Variants in PPFIBP1 observed in about 807,000 individuals in gnomAD.
PPFIBP1 encodes liprin-beta-1.
A neutral mutation model predicts 137.8 loss-of-function variants in PPFIBP1; 112 were observed. That is an observed-to-expected ratio of 0.81 (90% confidence interval 0.70 to 0.95). The LOEUF (loss-of-function observed/expected upper bound fraction) is 0.95, where lower values mean the gene tolerates loss of function less well. Among genes scored for constraint, PPFIBP1 ranks in the 40% least tolerant of loss-of-function variants. PPFIBP1 has a pLI of 0.00. For missense variants in PPFIBP1, 1,083 were observed against 1,196.6 expected (o/e 0.91, Z 1.40); for synonymous variants, 378 against 417.3 (o/e 0.91, Z 1.15).
Position 27,684,098 on chromosome 12 carries a change from A to G in PPFIBP1, c.2247+1395A>G, listed in dbSNP as rs769494712. Among the ~76,000 whole-genome samples the G allele has an allele frequency of 3.3e-4, 45 of 137,058 alleles. 1 individual carries two copies. The highest frequency in any genetic ancestry group is 6.3e-4 in the Non-Finnish European group (40 of 63,420). The allele number at this position is 137,058 out of a possible 152,430, so 89.9% of individuals were successfully genotyped here. On this transcript the variant is annotated intron_variant, in intron 24 of 29. Transcript: ENST00000228425. Reference sequence around the variant, plus strand: ...CACCGAGCCTGGCCTTGTTCTACTTAAAATTCTTTTATTTATTTATTTATT... The same window carrying G: ...CACCGAGCCTGGCCTTGTTCTACTTGAAATTCTTTTATTTATTTATTTATT...
chr12:27,532,197 A>G (rs570636780), intron 1 of PPFIBP1, among the ~76,000 whole-genome samples: 3 of 152,386 alleles, frequency 2.0e-5, no homozygotes, highest in East Asian at 3.9e-4. Context: ...CAAACAAAAC[A>G]TGATCTTTAC....
chr12:27,595,680 C>T (rs1025572770), intron 2 of PPFIBP1, among the ~76,000 whole-genome samples: 1 of 151,942 alleles, frequency 6.6e-6, no homozygotes. Flanking sequence ...CATGGAGAAA[C>T]CCCATCTCTA....
At chr12:27,595,710 C>A (rs1366356491) in intron 2 of PPFIBP1, among the ~76,000 whole-genome samples, 1 of 151,616 alleles carries the variant, frequency 6.6e-6, no homozygotes, top group Non-Finnish European at 1.5e-5. Context: ...CAAAATTAGC[C>A]GGGTGTGGTG....
intron 1 of PPFIBP1, among the ~76,000 whole-genome samples, chr12:27,528,907 G>T (rs1472063359): frequency 2.0e-5 from 3 of 152,202 alleles, no homozygotes; most frequent in Non-Finnish European, 4.4e-5. Context: ...GTCACAGTTT[G>T]TGAGTGCTCT....
intron 1 of PPFIBP1, among the ~76,000 whole-genome samples, chr12:27,555,192 A>G (rs533785111): frequency 6.6e-6 from 1 of 152,328 alleles, no homozygotes; most frequent in Non-Finnish European, 1.5e-5. Flanking sequence ...CCCTTCGACA[A>G]TAAGGTTCTA....
chr12:27,643,535 A>G (rs1406459748), intron 4 of PPFIBP1, among the ~76,000 whole-genome samples: 2 of 130,102 alleles, frequency 1.5e-5, no homozygotes, highest in Non-Finnish European at 3.2e-5. Context: ...GACCTTAAGG[A>G]ATGGGGAAAG....
rs578209956 is a variant in PPFIBP1, at chr12:27,540,311, C to T, written c.-124+15946C>T. 2.0e-5 allele frequency among the ~76,000 whole-genome samples: 3 copies of T among 149,682 alleles called. No individual in the cohort carries two copies. The South Asian group carries it at 6.3e-4, about 32-fold the overall frequency. ...GCCTTGAAGGGTTGTAAAGATGAAA[C>T]AAGATAATGAATGCAAAGAGTTTGG... On this transcript the variant is annotated intron_variant, in intron 1 of 29. Transcript: ENST00000228425.
At chr12:27,614,145 A>AGAGGGGAGAATCACTGGAGCCCAC (rs1311250259) in intron 2 of PPFIBP1, among the ~76,000 whole-genome samples, 25 of 152,222 alleles carry the variant, frequency 1.6e-4, no homozygotes, top group Admixed American at 1.0e-3. Context: ...TTGGAGGCTG[A>AGAGGGGAGAATCACTGGAGCCCAC]GACGGGAGAA....
intron 7 of PPFIBP1, among the ~76,000 whole-genome samples, chr12:27,650,848 A>G (rs2058834132): frequency 6.6e-6 from 1 of 152,210 alleles, no homozygotes; most frequent in Non-Finnish European, 1.5e-5. Flanking sequence ...GACAGAGAGC[A>G]TATCCATTTG....
intron 3 of PPFIBP1, among the ~76,000 whole-genome samples, chr12:27,634,551 A>G (rs935674274): frequency 2.0e-5 from 3 of 152,108 alleles, no homozygotes; most frequent in African/African-American, 7.2e-5. Context: ...ATTTGGTCCA[A>G]TATTGGTCCG....
At chr12:27,676,779 A>G (rs2060539462) in intron 18 of PPFIBP1, 180 bp downstream of exon 18, 1 of 700,736 alleles carries the variant, frequency 1.4e-6, no homozygotes, top group African/African-American at 1.8e-5. Context: ...TTGTGAAGAT[A>G]TATAGACTCT....
chr12:27,674,360 A>G (rs992242848), intron 17 of PPFIBP1, 139 bp downstream of exon 17: 2 of 576,674 alleles, frequency 3.5e-6, no homozygotes, highest in African/African-American at 1.9e-5. Context: ...AAGTTCACAT[A>G]TTATATGATT....
intron 1 of PPFIBP1, among the ~76,000 whole-genome samples, chr12:27,560,031 G>A (rs941265909): frequency 1.3e-5 from 2 of 152,192 alleles, no homozygotes; most frequent in Non-Finnish European, 2.9e-5. Flanking sequence ...GTTCTTCTGT[G>A]GAGAGAATTT....
At chr12:27,555,824 T>G (rs2048660352) in intron 1 of PPFIBP1, among the ~76,000 whole-genome samples, 2 of 152,230 alleles carry the variant, frequency 1.3e-5, no homozygotes, top group South Asian at 4.1e-4. Flanking sequence ...TTTATTATTC[T>G]TTTAAGCAAG....
intron 1 of PPFIBP1, among the ~76,000 whole-genome samples, chr12:27,568,181 C>A (rs1273147356): frequency 6.6e-6 from 1 of 152,186 alleles, no homozygotes; most frequent in Admixed American, 6.6e-5. Flanking sequence ...GAAGAAGGGT[C>A]ATGGGATCTC....
At chr12:27,684,428 C>G (rs2061078445) in intron 24 of PPFIBP1, among the ~76,000 whole-genome samples, 2 of 152,154 alleles carry the variant, frequency 1.3e-5, no homozygotes, top group Non-Finnish European at 2.9e-5. Flanking sequence ...TTTATTTAAA[C>G]AGCTTTTTGT....
intron 5 of PPFIBP1, among the ~76,000 whole-genome samples, chr12:27,647,121 C>G (rs2058559660): frequency 6.6e-6 from 1 of 152,214 alleles, no homozygotes; most frequent in African/African-American, 2.4e-5. Context: ...CCTGCCTCAG[C>G]CTCCTGAGTA....
Position 27,659,065 on chromosome 12 carries a change from G to T in PPFIBP1, c.844+217G>T, listed in dbSNP as rs547077073. Among the ~76,000 whole-genome samples, 3 of 152,272 alleles carry T rather than the reference G, an allele frequency of 2.0e-5. No homozygotes were observed. In the East Asian group the frequency reaches 5.8e-4, roughly 29 times the overall value. The stretch of plus-strand genomic sequence containing the variant: ...AGATTTTGTCTGATTCAACCTTTCC[G>T]CTCTACAGTGTATAACCGGGCACAC... On this transcript the variant is annotated intron_variant, in intron 10 of 29. Transcript: ENST00000228425.
intron 5 of PPFIBP1, among the ~76,000 whole-genome samples, chr12:27,646,533 C>G (rs1203684514): frequency 2.6e-5 from 4 of 151,876 alleles, no homozygotes; most frequent in Non-Finnish European, 5.9e-5. Context: ...TGTGCAGCAC[C>G]ATGCTTCACT....
Sources: allele counts gnomAD v4.1 joint callset (sites outside exome capture counted in the v4.1 genomes callset), GRCh38; gene constraint gnomAD v4.1.1; transcripts MANE v1.5; gene names NCBI Gene and HGNC (gene_info 2026-07-23, HGNC 2026-07-21).